Variants in UNC5D observed in about 807,000 individuals in gnomAD.
UNC5D encodes netrin receptor UNC5D.
A neutral mutation model predicts 105.4 loss-of-function variants in UNC5D; 39 were observed. The ratio of observed to expected loss-of-function variants is 0.37; its 90% CI spans 0.29 to 0.48. UNC5D has a LOEUF of 0.48. Ranked by LOEUF, UNC5D falls within the 20% of genes least tolerant of loss-of-function variation. The pLI is 0.98. For missense variants in UNC5D, 991 were observed against 1,202.4 expected (o/e 0.82, Z 2.60); for synonymous variants, 452 against 450.4 (o/e 1.00, Z -0.04).
intron 1 of UNC5D, among the ~76,000 whole-genome samples, chr8:35,387,614 G>C (rs1803492026): frequency 6.6e-6 from 1 of 152,136 alleles, no homozygotes; most frequent in South Asian, 2.1e-4. Flanking sequence ...AAATACTTGA[G>C]CAGACTACCC....
chr8:35,283,310 T>A (rs1297749056), intron 1 of UNC5D, among the ~76,000 whole-genome samples: 3 of 152,236 alleles, frequency 2.0e-5, no homozygotes, highest in Non-Finnish European at 4.4e-5. Flanking sequence ...GTCAAGTCTG[T>A]GCCTGCAGCA....
At chr8:35,319,326 A>G (rs1472711779) in intron 1 of UNC5D, among the ~76,000 whole-genome samples, 1 of 152,130 alleles carries the variant, frequency 6.6e-6, no homozygotes, top group Non-Finnish European at 1.5e-5. Flanking sequence ...TTTTAAATGT[A>G]TGCCTCTACT....
intron 2 of UNC5D, among the ~76,000 whole-genome samples, chr8:35,554,448 T>C (rs1235218640): frequency 6.6e-6 from 1 of 152,244 alleles, no homozygotes; most frequent in Non-Finnish European, 1.5e-5. Context: ...TGGGAACTCG[T>C]CTTCCTTGTG....
At chr8:35,750,002 G>T (rs1472465178) in intron 12 of UNC5D, among the ~76,000 whole-genome samples, 5 of 108,678 alleles carry the variant, frequency 4.6e-5, no homozygotes, top group African/African-American at 3.9e-4. Flanking sequence ...AAAAAAAAAA[G>T]TTTGCTTATT....
At chr8:35,776,567 C>T (rs1802254766) in intron 16 of UNC5D, among the ~76,000 whole-genome samples, 2 of 152,064 alleles carry the variant, frequency 1.3e-5, no homozygotes, top group African/African-American at 4.8e-5. Context: ...CTGGAGCCAA[C>T]TGCCCCCTTC....
At chr8:35,663,963 C>A (rs1029404751) in intron 4 of UNC5D, among the ~76,000 whole-genome samples, 10 of 152,028 alleles carry the variant, frequency 6.6e-5, no homozygotes, top group Non-Finnish European at 1.5e-4. Context: ...CAGTTGTAAC[C>A]ACCAGCCAGA....
intron 1 of UNC5D, among the ~76,000 whole-genome samples, chr8:35,277,622 T>G (rs1805862827): frequency 1.3e-5 from 2 of 152,240 alleles, no homozygotes; most frequent in Admixed American, 6.5e-5. Flanking sequence ...CTCACGGCCC[T>G]CATTGTTGTC....
At chr8:35,526,107 C>T (rs1279842656) in intron 1 of UNC5D, among the ~76,000 whole-genome samples, 5 of 152,162 alleles carry the variant, frequency 3.3e-5, no homozygotes, top group Non-Finnish European at 7.3e-5. Flanking sequence ...AGTAGTTTTA[C>T]GTTTAAGTCT....
intron 3 of UNC5D, among the ~76,000 whole-genome samples, chr8:35,571,549 G>T (rs1327622141): frequency 6.6e-6 from 1 of 152,108 alleles, no homozygotes; most frequent in East Asian, 1.9e-4. Context: ...TCAGGGGGGT[G>T]GGGGAGTTGC....
At chr8:35,571,299 A>G (rs994039121) in intron 3 of UNC5D, among the ~76,000 whole-genome samples, 1 of 152,236 alleles carries the variant, frequency 6.6e-6, no homozygotes, top group Non-Finnish European at 1.5e-5. Context: ...TGTGATTTCT[A>G]AATAAAAATA....
rs1178613396 is a variant in UNC5D at position 35,250,372 on chromosome 8, C to T, written c.103+14485C>T. Among the ~76,000 whole-genome samples the T allele has an allele frequency of 4.6e-5, 7 of 152,162 alleles. No individual in the cohort carries two copies. In the East Asian group the frequency reaches 9.7e-4, roughly 21 times the overall value. On this transcript the variant is annotated intron_variant, in intron 1 of 16. Coordinates refer to ENST00000404895, the MANE Select transcript of UNC5D (RefSeq NM_080872.4). ...TTATTTATTTATTTCCAAATAATTT[C>T]AACTTATATTTTAGATTCAGGGGGT...
intron 3 of UNC5D, among the ~76,000 whole-genome samples, chr8:35,572,952 C>G (rs994084610): frequency 6.6e-6 from 1 of 151,984 alleles, no homozygotes; most frequent in Non-Finnish European, 1.5e-5. Context: ...TACAGGCGCC[C>G]GCCACCACGC....
At chr8:35,634,750 T>G (rs1822249533) in intron 4 of UNC5D, among the ~76,000 whole-genome samples, 1 of 151,950 alleles carries the variant, frequency 6.6e-6, no homozygotes, top group Non-Finnish European at 1.5e-5. Flanking sequence ...CTCTGGATTT[T>G]TCTTTTCTTT....
intron 1 of UNC5D, chr8:35,525,764 C>A (rs928133492): frequency 4.6e-5 from 72 of 1,551,060 alleles, no homozygotes; most frequent in Non-Finnish European, 6.1e-5. Flanking sequence ...GAGCCGCCAT[C>A]TTGGGAGTGC....
intron 1 of UNC5D, among the ~76,000 whole-genome samples, chr8:35,339,373 A>T (rs1292092116): frequency 6.6e-6 from 1 of 152,246 alleles, no homozygotes; most frequent in Admixed American, 6.5e-5. Flanking sequence ...GAGGTCGTGA[A>T]CATGGTGGCA....
intron 1 of UNC5D, among the ~76,000 whole-genome samples, chr8:35,495,386 A>G (rs1452353932): frequency 6.7e-6 from 1 of 149,728 alleles, no homozygotes; most frequent in East Asian, 2.0e-4. Context: ...CCTGGGCCAC[A>G]TTGGAAGAAG....
intron 1 of UNC5D, among the ~76,000 whole-genome samples, chr8:35,533,535 C>T (rs1240310721): frequency 2.0e-5 from 3 of 152,210 alleles, no homozygotes; most frequent in Admixed American, 2.0e-4. Context: ...GTGGAGCCTA[C>T]AGAGGCAGGC....
At chr8:35,340,095 C>A (rs1375930155) in intron 1 of UNC5D, among the ~76,000 whole-genome samples, 1 of 152,128 alleles carries the variant, frequency 6.6e-6, no homozygotes, top group African/African-American at 2.4e-5. Context: ...TGGGTAAAGG[C>A]CTCTTAAACA....
chr8:35,647,685 A>G (rs1293591302), intron 4 of UNC5D, among the ~76,000 whole-genome samples: 1 of 152,176 alleles, frequency 6.6e-6, no homozygotes, highest in Non-Finnish European at 1.5e-5. Flanking sequence ...ATTCTTATCT[A>G]CAATGGTCCT....
Sources: gnomAD v4.1 joint callset for allele counts (sites outside exome capture counted in the v4.1 genomes callset) on GRCh38, gnomAD v4.1.1 for gene constraint, MANE v1.5 for transcripts, NCBI Gene and HGNC (gene_info 2026-07-23, HGNC 2026-07-21) for gene names.